The following CSN1S1 variants were observed in gnomAD, a reference collection of about 807,000 sequenced individuals.
CSN1S1 encodes the protein alpha-S1-casein.
In CSN1S1, 63 loss-of-function variants were observed where a neutral mutation model predicts 49.1. The observed-to-expected ratio is 1.28, with a 90% CI of 1.05 to 1.58. The LOEUF (loss-of-function observed/expected upper bound fraction) is 1.58, where lower values mean the gene tolerates loss of function less well. Ranked by LOEUF, CSN1S1 falls within the 40% of genes most tolerant of loss-of-function variation. The pLI is 0.00. For missense variants in CSN1S1, 260 were observed against 224.7 expected (o/e 1.16, Z -1.01); for synonymous variants, 78 against 67.1 (o/e 1.16, Z -0.79).
intron 8 of CSN1S1, 135 bp downstream of exon 8, chr4:69,937,279 A>G: frequency 1.5e-6 from 1 of 654,734 alleles, no homozygotes; most frequent in South Asian, 2.5e-5. Flanking sequence ...GAAATAGTGT[A>G]TCATACATTG....
At chr4:69,934,565 G>T in intron 3 of CSN1S1, 125 bp from the exon 4 acceptor site, 1 of 791,000 alleles carries the variant, frequency 1.3e-6, no homozygotes, top group South Asian at 1.6e-5. Context: ...TTTACAGTTT[G>T]GTCTCATTTG....
rs1723170907 is a variant in CSN1S1 at position 69,946,478 on chromosome 4, G to C, written c.*282G>C. On this transcript the variant is annotated 3_prime_UTR_variant, in exon 16 of 16. Coordinates refer to ENST00000246891, the MANE Select transcript of CSN1S1 (RefSeq NM_001890.2). ...TGGACATTTTGTTTAAAAAGTCTTT[G>C]AATTGCCAGTTCTGTAAGTGCCATC... The C allele has an allele frequency of 5.2e-6, 1 of 193,082 alleles. No individual in the cohort carries two copies. The highest frequency in any genetic ancestry group is 6.1e-5 in the Admixed American group (1 of 16,440). The allele number at this position is 193,082 out of a possible 1,614,324, so 12.0% of individuals were successfully genotyped here.
chr4:69,942,601 CA>C, intron 14 of CSN1S1, 24 bp downstream of exon 14: 1 of 1,544,118 alleles, frequency 6.5e-7, no homozygotes, highest in South Asian at 1.2e-5. Context: ...TAATATATTA[CA>C]AAACGATAAT....
chr4:69,945,575 T>C (rs1466656271), intron 15 of CSN1S1, among the ~76,000 whole-genome samples: 4 of 152,052 alleles, frequency 2.6e-5, no homozygotes, highest in Admixed American at 2.6e-4. Flanking sequence ...TTTTTCCTGA[T>C]TTAGCAAATC....
chr4:69,934,698 A>C lies in CSN1S1; in HGVS notation c.93A>C (p.Ser31=), dbSNP rs779847268. Residue 31 remains serine, a synonymous_variant, in exon 4 of 16, where the codon TCA becomes TCC. Transcript: ENST00000246891. ...LRYPERLQNP[S]ESSEPIPLES... ...ATTATTATTTTTTACAGAATCCATC[A>C]GAGAGCAGTGAGGTAAGCTCTGTTT... 3.7e-6 allele frequency: 6 copies of C among 1,609,626 alleles called. No homozygotes were observed. The highest frequency in any genetic ancestry group is 3.3e-5 in the Admixed American group (2 of 59,776).
intron 15 of CSN1S1, among the ~76,000 whole-genome samples, chr4:69,945,552 G>A (rs1723134876): frequency 6.6e-6 from 1 of 151,834 alleles, no homozygotes; most frequent in Non-Finnish European, 1.5e-5. Context: ...ACACTGAATA[G>A]GTAAAAGTCC....
At chr4:69,939,058 C>A (rs981075994) in intron 9 of CSN1S1, 118 bp from the exon 10 acceptor site, 32 of 617,690 alleles carry the variant, frequency 5.2e-5, no homozygotes, top group Admixed American at 8.9e-5. Context: ...TTTTTCCATA[C>A]CACTTATTCA....
chr4:69,935,903 T>C (rs1019480623), intron 4 of CSN1S1, 23 bp from the exon 5 acceptor site: 1 of 1,466,274 alleles, frequency 6.8e-7, no homozygotes, highest in East Asian at 2.5e-5. Context: ...GAATGAATTT[T>C]AACATAACTT....
At chr4:69,942,974 G>A (rs1317570977) in intron 14 of CSN1S1, among the ~76,000 whole-genome samples, 8 of 148,100 alleles carry the variant, frequency 5.4e-5, no homozygotes, top group African/African-American at 1.7e-4. Flanking sequence ...TGTAAAGAAA[G>A]CCATGGAACA....
chr4:69,932,480 T>A, intron 1 of CSN1S1, 64 bp from the exon 2 acceptor site: 1 of 1,441,480 alleles, frequency 6.9e-7, no homozygotes, highest in African/African-American at 1.4e-5. Flanking sequence ...AATCAAGAAT[T>A]TTTTTCAGGA....
chr4:69,940,111 T>TCTCACACACACA, intron 11 of CSN1S1, 67 bp downstream of exon 11: 2 of 404,084 alleles, frequency 4.9e-6, no homozygotes, highest in Non-Finnish European at 8.9e-6. Context: ...GCACTTACTT[T>TCTCACACACACA]CACACACACA....
intron 4 of CSN1S1, among the ~76,000 whole-genome samples, 157 bp from the exon 5 acceptor site, chr4:69,935,769 C>T (rs751988124): frequency 5.9e-5 from 9 of 152,036 alleles, no homozygotes; most frequent in Non-Finnish European, 1.0e-4. Flanking sequence ...ATAGAATGCT[C>T]TTAACTATAA....
chr4:69,941,097 TA>T, intron 12 of CSN1S1, 37 bp downstream of exon 12: 1 of 1,010,124 alleles, frequency 9.9e-7, no homozygotes, highest in Non-Finnish European at 1.4e-6. Flanking sequence ...AATCATATTC[TA>T]CTATAGAATT....
At position 69,944,962 on chromosome 4, in the gene CSN1S1, C is replaced by T. The variant is rs1723112844; in HGVS notation, c.515C>T (p.Ala172Val). The T allele has an allele frequency of 2.5e-6, 4 of 1,612,814 alleles. No homozygotes were observed. Among genetic ancestry groups the T allele is most frequent in the African/African-American group, 1.3e-5 (1 of 74,922 alleles). The change falls in exon 15 of 16, where the codon GCT (alanine) becomes GTT (valine). Residue 172 changes from alanine to valine, a missense_variant. Ala to Val is a moderately conservative substitution (Grantham distance 64, BLOSUM62 0). Coordinates refer to ENST00000246891, the MANE Select transcript of CSN1S1 (RefSeq NM_001890.2). ...PPFSDISNPT[A>V]HENYEKNNVM... Reference sequence around the variant, plus strand: ...TTTTCCGACATCTCCAATCCCACTGCTCATGAAAATTATGAAAAAAATAAC... The same window carrying T: ...TTTTCCGACATCTCCAATCCCACTGTTCATGAAAATTATGAAAAAAATAAC...
intron 15 of CSN1S1, among the ~76,000 whole-genome samples, chr4:69,945,677 G>A (rs1232511936): frequency 6.6e-6 from 1 of 151,860 alleles, no homozygotes. Context: ...CACAGTTAGG[G>A]CCCTTGGTAA....
At chr4:69,937,768 A>G in intron 8 of CSN1S1, 32 bp from the exon 9 acceptor site, 1 of 1,562,654 alleles carries the variant, frequency 6.4e-7, no homozygotes, top group Non-Finnish European at 8.7e-7. Context: ...TTTGTCATGA[A>G]AAATGAAATT....
At chr4:69,936,652 T>C in intron 7 of CSN1S1, 45 bp downstream of exon 7, 2 of 1,525,024 alleles carry the variant, frequency 1.3e-6, no homozygotes, top group African/African-American at 1.4e-5. Flanking sequence ...GTATATATTC[T>C]TGTAGTAGAA....
chr4:69,944,422 G>A (rs1442547645), intron 14 of CSN1S1, among the ~76,000 whole-genome samples: 1 of 151,914 alleles, frequency 6.6e-6, no homozygotes, highest in Non-Finnish European at 1.5e-5. Context: ...AGACAGCTAT[G>A]TTGACCCTGG....
chr4:69,946,254 A>G lies in CSN1S1; in HGVS notation c.*58A>G. ...CTCTCAAGGAAAACCATCTTATCTGAAGACTGGACTGTTGTTTTAGAATAG... is the reference window on the plus strand; with the variant it reads ...CTCTCAAGGAAAACCATCTTATCTGGAGACTGGACTGTTGTTTTAGAATAG... On this transcript the variant is annotated 3_prime_UTR_variant, in exon 16 of 16. Transcript: ENST00000246891. 2.1e-6 allele frequency: 1 copy of G among 475,214 alleles called. No homozygotes were observed. Among genetic ancestry groups the G allele is most frequent in the Non-Finnish European group, 3.9e-6 (1 of 256,372 alleles). The allele number at this position is 475,214 out of a possible 1,614,324, so 29.4% of individuals were successfully genotyped here.
Sources: allele counts gnomAD v4.1 joint callset (sites outside exome capture counted in the v4.1 genomes callset), GRCh38; gene constraint gnomAD v4.1.1; transcripts MANE v1.5; gene names NCBI Gene and HGNC (gene_info 2026-07-23, HGNC 2026-07-21).